The following DMD variants were observed in gnomAD, a reference collection of about 807,000 sequenced individuals.
The protein encoded by DMD is mutant dystrophin.
Under a neutral mutation model 330.1 loss-of-function variants are expected in DMD, and 63 were observed. The observed-to-expected ratio is 0.19, with a 90% CI of 0.16 to 0.24. The LOEUF (loss-of-function observed/expected upper bound fraction) is 0.24. Among genes scored for constraint, DMD ranks in the 10% least tolerant of loss-of-function variants. DMD has a pLI of 1.00. For synonymous variants in DMD, 1,223 were observed against 959.8 expected, an observed-to-expected ratio of 1.27 and a Z score of -5.07; for missense variants, 3,344 against 2,684.1, an observed-to-expected ratio of 1.25 and a Z score of -5.43.
intron 1 of DMD, among the ~76,000 whole-genome samples, chrX:33,316,028 A>G (rs1479005919): frequency 9.0e-6 from 1 of 110,623 alleles, no homozygotes; most frequent in East Asian, 2.8e-4. Flanking sequence ...ACCCTTTCCT[A>G]TATGTAGAAT....
intron 67 of DMD, among the ~76,000 whole-genome samples, chrX:31,203,288 GA>G (rs775067715): frequency 2.0e-4 from 14 of 69,654 alleles, no homozygotes; most frequent in African/African-American, 5.8e-4. Flanking sequence ...ACTCAAAAAA[GA>G]AAAAAAAAAA....
intron 34 of DMD, 39 bp from the exon 35 acceptor site, chrX:32,365,238 G>A (rs780123445): frequency 2.5e-6 from 3 of 1,181,302 alleles, no homozygotes; most frequent in South Asian, 1.8e-5. Flanking sequence ...GTAATGTCTT[G>A]TAGTCTTAAG....
chrX:33,240,338 G>A (rs1465045952), intron 1 of DMD, among the ~76,000 whole-genome samples: 1 of 111,551 alleles, frequency 9.0e-6, no homozygotes. Flanking sequence ...TCTCTGCCTG[G>A]CTTATTTAAC....
intron 43 of DMD, among the ~76,000 whole-genome samples, chrX:32,242,357 T>G (rs1383554439): frequency 5.4e-5 from 6 of 111,916 alleles, no homozygotes; most frequent in Middle Eastern, 4.6e-3. Flanking sequence ...TCCCCTCCTT[T>G]AAACTTCAGT....
chrX:31,252,905 C>T (rs1367879310), intron 63 of DMD, among the ~76,000 whole-genome samples: 1 of 111,008 alleles, frequency 9.0e-6, no homozygotes, highest in Non-Finnish European at 1.9e-5. Flanking sequence ...GCAGGAGAAT[C>T]GCTTGAACGC....
At chrX:32,515,551 TTTTG>T (rs912939034) in intron 18 of DMD, among the ~76,000 whole-genome samples, 3 of 111,452 alleles carry the variant, frequency 2.7e-5, no homozygotes, top group African/African-American at 9.8e-5. Flanking sequence ...AGGCTATTTT[TTTTG>T]TTTGTTTCAT....
chrX:32,077,082 A>G (rs2096358009), intron 44 of DMD, among the ~76,000 whole-genome samples: 1 of 112,013 alleles, frequency 8.9e-6, no homozygotes, highest in South Asian at 3.7e-4. Context: ...CCATTTGCAT[A>G]AAATTCAAAA....
At chrX:31,213,113 G>A (rs910771458) in intron 64 of DMD, among the ~76,000 whole-genome samples, 1 of 112,650 alleles carries the variant, frequency 8.9e-6, no homozygotes, top group Admixed American at 9.3e-5. Flanking sequence ...ACTTATGGCT[G>A]AGGGACCTCC....
intron 41 of DMD, among the ~76,000 whole-genome samples, chrX:32,336,097 T>C (rs1319461741): frequency 3.7e-5 from 4 of 109,345 alleles, no homozygotes. Flanking sequence ...ATAACGTGTG[T>C]ATACGTACAT....
At chrX:32,451,255 C>A (rs746337143) in intron 26 of DMD, among the ~76,000 whole-genome samples, 1 of 111,020 alleles carries the variant, frequency 9.0e-6, no homozygotes, top group African/African-American at 3.3e-5. Context: ...GTGTATTAAA[C>A]AAGACTTCCA....
intron 9 of DMD, among the ~76,000 whole-genome samples, chrX:32,679,337 G>GTT (rs1325322911): frequency 1.9e-5 from 2 of 104,053 alleles, no homozygotes; most frequent in African/African-American, 6.9e-5. Context: ...CGAGGTTTTG[G>GTT]TTTTTTTTTT....
At chrX:32,557,782 A>T (rs2050475139) in intron 16 of DMD, among the ~76,000 whole-genome samples, 1 of 111,245 alleles carries the variant, frequency 9.0e-6, no homozygotes, top group Non-Finnish European at 1.9e-5. Context: ...AAGGAAGCTG[A>T]GTTACTAATC....
At chrX:31,844,779 T>A (rs913921722) in intron 48 of DMD, among the ~76,000 whole-genome samples, 3 of 111,619 alleles carry the variant, frequency 2.7e-5, no homozygotes, top group African/African-American at 9.8e-5. Flanking sequence ...TTTTATTTTT[T>A]GTGGTTATTG....
Position 32,334,835 on chromosome X carries a change from G to A in DMD, c.5922+7265C>T, listed in dbSNP as rs186364842. 1.4e-3 allele frequency among the ~76,000 whole-genome samples: 161 copies of A among 111,612 alleles called. 2 individuals are homozygous for A. Among genetic ancestry groups the A allele is most frequent in the African/African-American group, 5.1e-3 (157 of 30,852 alleles). On this transcript the variant is annotated intron_variant, in intron 41 of 78. Coordinates refer to ENST00000357033, the MANE Select transcript of DMD (RefSeq NM_004006.3). ...TCCCATTAGCATATCAAACGCACTA[G>A]AAAGTTATAGAGTAAGGAAAGTTTG...
chrX:32,791,410 C>T (rs1014669744), intron 7 of DMD, among the ~76,000 whole-genome samples: 1 of 111,784 alleles, frequency 8.9e-6, no homozygotes, highest in African/African-American at 3.3e-5. Context: ...GACAGGCACG[C>T]TCAACCAACT....
intron 74 of DMD, among the ~76,000 whole-genome samples, chrX:31,148,714 A>G (rs186495877): frequency 1.3e-3 from 145 of 111,913 alleles, no homozygotes; most frequent in African/African-American, 4.5e-3. Context: ...CTCCTCACCA[A>G]ATACTTGGTG....
At chrX:33,338,312 A>G (rs1888899326) in intron 1 of DMD, among the ~76,000 whole-genome samples, 1 of 110,543 alleles carries the variant, frequency 9.0e-6, no homozygotes, top group African/African-American at 3.3e-5. Flanking sequence ...GGAGCCAAAT[A>G]CTGTCCATGC....
intron 1 of DMD, among the ~76,000 whole-genome samples, chrX:33,114,450 C>T (rs188428122): frequency 9.0e-6 from 1 of 111,128 alleles, no homozygotes; most frequent in Admixed American, 9.7e-5. Flanking sequence ...AAAAATTACT[C>T]CAAGAAATGT....
chrX:32,488,724 A>G (rs1004220588), intron 20 of DMD, among the ~76,000 whole-genome samples: 1 of 111,289 alleles, frequency 9.0e-6, no homozygotes, highest in Admixed American at 9.6e-5. Context: ...ACAATATTTA[A>G]TATATAAAAC....
Sources: allele counts gnomAD v4.1 joint callset (sites outside exome capture counted in the v4.1 genomes callset), GRCh38; gene constraint gnomAD v4.1.1; transcripts MANE v1.5; gene names NCBI Gene and HGNC (gene_info 2026-07-23, HGNC 2026-07-21).